FAM120C: variants seen among roughly 807,000 people sequenced by gnomAD.
FAM120C encodes the protein family with sequence similarity 120 member C.
A neutral mutation model predicts 71.2 loss-of-function variants in FAM120C; 14 were observed. The observed-to-expected ratio is 0.20, with a 90% confidence interval of 0.13 to 0.31. FAM120C has a LOEUF of 0.31. FAM120C is among the 10% of genes least tolerant of loss of function. The pLI, the probability that FAM120C is intolerant of heterozygous loss-of-function variation, is 1.00. For missense variants in FAM120C, 500 were observed against 879.0 expected (o/e 0.57, Z 5.45); for synonymous variants, 354 against 353.2 (o/e 1.00, Z -0.03).
In FAM120C at chrX:54,081,414, C is replaced by G; in HGVS notation, c.2886G>C (p.Gly962=). The change falls in exon 14 of 16, where the codon GGG becomes GGC. Residue 962 remains glycine (G), a synonymous_variant. Coordinates refer to ENST00000375180, the MANE Select transcript of FAM120C (RefSeq NM_017848.6). ...PPQGGKLEIA[G]MVVGQWAGSR... ...TGCCAGCCCACTGGCCCACAACCAT[C>G]CCAGCAATCTCCAGTTTTCCTCCTT... is the stretch of plus-strand genomic sequence containing the variant. 1 of 1,209,817 alleles carries G rather than the reference C, an allele frequency of 8.3e-7. No individual in the cohort carries two copies. Among genetic ancestry groups the G allele is most frequent in the East Asian group, 3.0e-5 (1 of 33,694 alleles).
intron 2 of FAM120C, among the ~76,000 whole-genome samples, chrX:54,158,074 T>A (rs1220923167): frequency 2.7e-5 from 3 of 112,311 alleles, no homozygotes; most frequent in Non-Finnish European, 3.8e-5. Flanking sequence ...CACACCAAGA[T>A]AAAAAGCTAG....
At chrX:54,148,972 T>G (rs2067171322) in intron 4 of FAM120C, among the ~76,000 whole-genome samples, 1 of 111,419 alleles carries the variant, frequency 9.0e-6, no homozygotes, top group Non-Finnish European at 1.9e-5. Context: ...AAAAAATAAA[T>G]GGAAAAAAAC....
intron 3 of FAM120C, among the ~76,000 whole-genome samples, chrX:54,154,988 C>T (rs2067202624): frequency 9.0e-6 from 1 of 110,825 alleles, no homozygotes; most frequent in African/African-American, 3.3e-5. Context: ...ATCGCTTGAG[C>T]ATAGGAGTTT....
At chrX:54,128,686 G>A (rs1259314301) in intron 9 of FAM120C, among the ~76,000 whole-genome samples, 4 of 111,564 alleles carry the variant, frequency 3.6e-5, no homozygotes, top group Non-Finnish European at 5.7e-5. Context: ...TAACGAGCAT[G>A]CTGCCTTCAA....
intron 10 of FAM120C, among the ~76,000 whole-genome samples, chrX:54,105,459 A>G (rs1557124715): frequency 8.9e-6 from 1 of 111,945 alleles, no homozygotes; most frequent in Admixed American, 9.5e-5. Flanking sequence ...ATCACACTGA[A>G]TGGGCAAAAA....
intron 13 of FAM120C, among the ~76,000 whole-genome samples, chrX:54,083,489 G>C (rs2146558645): frequency 1.2e-5 from 1 of 85,535 alleles, no homozygotes; most frequent in East Asian, 3.9e-4. Flanking sequence ...CAAAATATTA[G>C]TCAGGCATGT....
chrX:54,098,022 G>A (rs111712113), intron 10 of FAM120C, among the ~76,000 whole-genome samples: 1,399 of 107,150 alleles, frequency 0.013, 17 homozygotes, highest in Non-Finnish European at 0.022. Context: ...CACTGTGCCC[G>A]GCCTATTTTT....
chrX:54,076,954 TG>T (rs1160848809), intron 15 of FAM120C, among the ~76,000 whole-genome samples: 1 of 111,465 alleles, frequency 9.0e-6, no homozygotes, highest in Non-Finnish European at 1.9e-5. Context: ...TAGCTGGGCA[TG>T]GTGGCATGCA....
chrX:54,115,064 A>G (rs916927283), intron 10 of FAM120C, among the ~76,000 whole-genome samples: 1 of 111,988 alleles, frequency 8.9e-6, no homozygotes, highest in Non-Finnish European at 1.9e-5. Flanking sequence ...CAGCCAAGTT[A>G]AATTTTTAAA....
At chrX:54,124,654 T>C (rs973443780) in intron 9 of FAM120C, among the ~76,000 whole-genome samples, 5 of 104,584 alleles carry the variant, frequency 4.8e-5, no homozygotes, top group Middle Eastern at 4.9e-3. Context: ...GTACCTCAGA[T>C]GGAAATGCAG....
At position 54,072,159 on chromosome X, in the gene FAM120C, T is replaced by TCA. The variant is rs60802365; in HGVS notation, c.*872_*873dup. On this transcript the variant is annotated 3_prime_UTR_variant, in exon 16 of 16. Coordinates refer to ENST00000375180, the MANE Select transcript of FAM120C (RefSeq NM_017848.6). Reference sequence around the variant, plus strand: ...CCCACACCCACACACAAGCACACATTCACACACACACACACACACACACAC... The same window carrying TCA: ...CCCACACCCACACACAAGCACACATTCACACACACACACACACACACACACAC... The TCA allele has an allele frequency of 0.085, 6,085 of 71,213 alleles. 291 individuals are homozygous for TCA. Among genetic ancestry groups the TCA allele is most frequent in the African/African-American group, 0.12 (2,295 of 18,737 alleles). 5.9% of individuals were successfully genotyped at this position (71,213 alleles called of 1,213,427 possible).
chrX:54,096,205 G>A (rs1188683621), intron 10 of FAM120C, among the ~76,000 whole-genome samples: 1 of 109,361 alleles, frequency 9.1e-6, no homozygotes, highest in Non-Finnish European at 1.9e-5. Flanking sequence ...GAGGTCAGGA[G>A]TTTTAGGCCA....
intron 8 of FAM120C, 87 bp from the exon 9 acceptor site, chrX:54,132,950 A>C: frequency 1.3e-6 from 1 of 758,659 alleles, no homozygotes; most frequent in Non-Finnish European, 1.8e-6. Flanking sequence ...AATAAACTGT[A>C]GCCTCTGTGG....
intron 10 of FAM120C, among the ~76,000 whole-genome samples, chrX:54,111,544 C>A (rs369499261): frequency 9.8e-6 from 1 of 101,560 alleles, no homozygotes; most frequent in African/African-American, 3.6e-5. Context: ...ACAATAGCTA[C>A]AAAAAAAAAA....
intron 13 of FAM120C, among the ~76,000 whole-genome samples, chrX:54,084,236 A>G (rs2066782559): frequency 9.0e-6 from 1 of 111,551 alleles, no homozygotes. Flanking sequence ...GAACGGAGAA[A>G]GGATCTGTAA....
At chrX:54,098,835 G>A (rs1276128378) in intron 10 of FAM120C, among the ~76,000 whole-genome samples, 1 of 110,117 alleles carries the variant, frequency 9.1e-6, no homozygotes, top group Non-Finnish European at 1.9e-5. Flanking sequence ...TGGTCAGGCT[G>A]GTCTCGAACT....
intron 1 of FAM120C, among the ~76,000 whole-genome samples, 165 bp from the exon 2 acceptor site, chrX:54,159,781 T>A (rs1403336954): frequency 1.2e-4 from 13 of 105,103 alleles, no homozygotes; most frequent in East Asian, 5.9e-4. Context: ...TTTTTTTTTT[T>A]AAATACAGAG....
In FAM120C at chrX:54,133,926, G is replaced by T. The variant is rs1383362443; in HGVS notation, c.1737C>A (p.Pro579=). 8.3e-7 allele frequency: 1 copy of T among 1,209,742 alleles called. No individual in the cohort carries two copies. The highest frequency in any genetic ancestry group is 1.8e-5 in the African/African-American group (1 of 57,111). The change falls in exon 8 of 16, where the codon CCC becomes CCA. Residue 579 remains proline, a synonymous_variant. Transcript: ENST00000375180. Reference sequence around the variant, plus strand: ...ACATAGACAGCAGAGATGGGATGTGGGGCTCACCATCACCTAGGCTCGCTT... The same window carrying T: ...ACATAGACAGCAGAGATGGGATGTGTGGCTCACCATCACCTAGGCTCGCTT... ...VSEASLGDGE[P]HIPSLLSMST... is the part of the protein sequence containing the mutation.
chrX:54,156,315 C>CTTT (rs35737980), intron 3 of FAM120C, among the ~76,000 whole-genome samples: 1 of 28,416 alleles, frequency 3.5e-5, no homozygotes, highest in Non-Finnish European at 5.7e-5. Flanking sequence ...TCACAACAGT[C>CTTT]TTTTTTTTTT....
Sources: allele counts gnomAD v4.1 joint callset (sites outside exome capture counted in the v4.1 genomes callset), GRCh38; gene constraint gnomAD v4.1.1; transcripts MANE v1.5; gene names NCBI Gene and HGNC (gene_info 2026-07-23, HGNC 2026-07-21).